Variants in PEAK1 observed in about 807,000 individuals in gnomAD.
PEAK1 encodes the protein inactive tyrosine-protein kinase PEAK1.
In PEAK1, 54 loss-of-function variants were observed where a neutral mutation model predicts 124.7. That is an observed-to-expected ratio of 0.43 (90% CI 0.35 to 0.54). The LOEUF (loss-of-function observed/expected upper bound fraction) is 0.54. Ranked by LOEUF, PEAK1 falls within the 20% of genes least tolerant of loss-of-function variation. The pLI is 0.01. For missense variants in PEAK1, 2,046 were observed against 2,134.5 expected (o/e 0.96, Z 0.82); for synonymous variants, 719 against 760.0 (o/e 0.95, Z 0.89).
intron 2 of PEAK1, among the ~76,000 whole-genome samples, chr15:77,300,771 T>G (rs1395457807): frequency 2.0e-5 from 3 of 152,208 alleles, no homozygotes; most frequent in African/African-American, 7.2e-5. Flanking sequence ...TCCTTGTTTT[T>G]TATGACTGTA....
At chr15:77,330,924 G>A (rs886144563) in intron 2 of PEAK1, 1 of 657,310 alleles carries the variant, frequency 1.5e-6, no homozygotes, top group Non-Finnish European at 1.9e-6. Context: ...TCTATCTCTT[G>A]GTTCCAAAAC....
intron 1 of PEAK1, among the ~76,000 whole-genome samples, chr15:77,407,967 A>G (rs2072003528): frequency 6.7e-6 from 1 of 149,224 alleles, no homozygotes; most frequent in African/African-American, 2.5e-5. Flanking sequence ...ATATATACAC[A>G]TATATACACA....
rs765268095 is a variant in PEAK1 at position 77,181,652 on chromosome 15, T to C, written c.275A>G (p.Gln92Arg). 2 of 1,614,168 alleles carry C rather than the reference T, an allele frequency of 1.2e-6. No homozygotes were observed. Among genetic ancestry groups the C allele is most frequent in the South Asian group, 2.2e-5 (2 of 91,088 alleles). The change falls in exon 7 of 10, where the codon CAA becomes CGA. Residue 92 changes from glutamine (Q) to arginine (R), a missense_variant. Coordinates refer to ENST00000682557, the MANE Select transcript of PEAK1 (RefSeq NM_001385026.1). ...GQSICGELSI[Q>R]EHCENKPVII... ...GACAGGTTTGTTCTCACAGTGTTCT[T>C]GGATGCTAAGCTCACCACATATACT... is the stretch of plus-strand genomic sequence containing the variant.
At chr15:77,170,142 A>G (rs2056407170) in intron 7 of PEAK1, among the ~76,000 whole-genome samples, 1 of 152,264 alleles carries the variant, frequency 6.6e-6, no homozygotes, top group East Asian at 1.9e-4. Context: ...CTTCAAGATA[A>G]TGGGGGGAAG....
chr15:77,309,207 T>C (rs955019524), intron 2 of PEAK1, among the ~76,000 whole-genome samples: 1 of 152,134 alleles, frequency 6.6e-6, no homozygotes, highest in Non-Finnish European at 1.5e-5. Flanking sequence ...ATGGAGGTTT[T>C]ATCCCAGAGT....
chr15:77,180,784 C>T lies in PEAK1; in HGVS notation c.1143G>A (p.Lys381=). ...PGNPGDSKDM[K]EIEPNYESPS... is the part of the protein sequence containing the mutation. The stretch of plus-strand genomic sequence containing the variant: ...GACTTTCATAATTGGGCTCAATTTC[C>T]TTCATGTCCTTAGAATCTCCTGGGT... Residue 381 remains lysine, a synonymous_variant, in exon 7 of 10, where the codon AAG becomes AAA. Transcript: ENST00000682557. 1 of 1,613,970 alleles carries T rather than the reference C, an allele frequency of 6.2e-7. No individual in the cohort carries two copies. The highest frequency in any genetic ancestry group is 8.5e-7 in the Non-Finnish European group (1 of 1,179,946).
intron 2 of PEAK1, among the ~76,000 whole-genome samples, chr15:77,313,154 A>G (rs1385296366): frequency 6.6e-6 from 1 of 152,194 alleles, no homozygotes; most frequent in Non-Finnish European, 1.5e-5. Context: ...GTAGTGTCAG[A>G]AAATTTTTTA....
intron 2 of PEAK1, among the ~76,000 whole-genome samples, chr15:77,316,410 T>C (rs2064876109): frequency 1.3e-5 from 2 of 152,222 alleles, no homozygotes; most frequent in Admixed American, 1.3e-4. Context: ...TTCCTGATTC[T>C]TACATAAACA....
chr15:77,230,397 A>G (rs1428688780), intron 6 of PEAK1, among the ~76,000 whole-genome samples: 1 of 151,942 alleles, frequency 6.6e-6, no homozygotes, highest in Non-Finnish European at 1.5e-5. Context: ...ACAGGGTTTC[A>G]CCATGTTGGC....
chr15:77,255,635 A>G (rs377589294), intron 5 of PEAK1: 3 of 152,444 alleles, frequency 2.0e-5, no homozygotes, highest in Admixed American at 6.5e-5. Flanking sequence ...ATAGTACTGG[A>G]TTTTGGCTAC....
intron 6 of PEAK1, among the ~76,000 whole-genome samples, chr15:77,200,580 C>T (rs1205488605): frequency 6.6e-6 from 1 of 152,156 alleles, no homozygotes; most frequent in Non-Finnish European, 1.5e-5. Flanking sequence ...TACTGAAAAC[C>T]ACCAAGTTTT....
chr15:77,388,706 C>T (rs1027996862), intron 1 of PEAK1, among the ~76,000 whole-genome samples: 6 of 151,330 alleles, frequency 4.0e-5, no homozygotes, highest in Non-Finnish European at 7.4e-5. Context: ...CATAATGTTT[C>T]TATTTCTACA....
intron 6 of PEAK1, chr15:77,204,885 C>A (rs1465131141): frequency 1.8e-5 from 3 of 170,958 alleles, no homozygotes; most frequent in Non-Finnish European, 3.7e-5. Context: ...GCCCCGGCAA[C>A]AGAGTGAGAC....
intron 6 of PEAK1, among the ~76,000 whole-genome samples, chr15:77,189,807 A>C (rs1165053109): frequency 6.6e-6 from 1 of 152,130 alleles, no homozygotes; most frequent in Non-Finnish European, 1.5e-5. Flanking sequence ...CCTCTTCTCC[A>C]TTGCCCTCAA....
chr15:77,282,820 T>C (rs1405542701), intron 5 of PEAK1, among the ~76,000 whole-genome samples: 1 of 152,160 alleles, frequency 6.6e-6, no homozygotes, highest in African/African-American at 2.4e-5. Flanking sequence ...AGTTTGAAGT[T>C]TCCAGGAAAC....
At chr15:77,154,038 C>A (rs1268091458) in intron 8 of PEAK1, among the ~76,000 whole-genome samples, 1 of 151,978 alleles carries the variant, frequency 6.6e-6, no homozygotes. Context: ...CCTGGGTATC[C>A]CTGTTAACTT....
chr15:77,316,600 C>A (rs375826337), intron 2 of PEAK1, among the ~76,000 whole-genome samples: 13 of 152,148 alleles, frequency 8.5e-5, no homozygotes, highest in African/African-American at 3.1e-4. Flanking sequence ...TGTCTTCCCA[C>A]AAAAATGTAA....
intron 2 of PEAK1, chr15:77,349,025 T>C (rs1300013447): frequency 4.2e-6 from 4 of 941,320 alleles, no homozygotes; most frequent in Non-Finnish European, 5.1e-6. Flanking sequence ...GCAATCACAA[T>C]TTTATTCAGT....
chr15:77,419,656 C>T (rs2073205984), intron 1 of PEAK1: 17 of 985,092 alleles, frequency 1.7e-5, no homozygotes, highest in Non-Finnish European at 1.9e-5. Flanking sequence ...CCGCAACCTC[C>T]CAGCCGCGCC....
Sources: gnomAD v4.1 joint callset for allele counts (sites outside exome capture counted in the v4.1 genomes callset) on GRCh38, gnomAD v4.1.1 for gene constraint, MANE v1.5 for transcripts, NCBI Gene and HGNC (gene_info 2026-07-23, HGNC 2026-07-21) for gene names.